SHC4: variants seen among roughly 807,000 people sequenced by gnomAD.
SHC4 encodes SHC-transforming protein 4.
Under a neutral mutation model 69.4 loss-of-function variants are expected in SHC4, and 41 were observed. The observed-to-expected ratio is 0.59, with a 90% CI of 0.46 to 0.77. SHC4 has a LOEUF of 0.77. Ranked by LOEUF, SHC4 falls within the 30% of genes least tolerant of loss-of-function variation. The pLI, the probability that SHC4 is intolerant of heterozygous loss-of-function variation, is 0.00. For missense variants in SHC4, 777 were observed against 783.8 expected (o/e 0.99, Z 0.10); for synonymous variants, 318 against 299.3 (o/e 1.06, Z -0.64).
chr15:48,833,437 C>A (rs1409195093), intron 11 of SHC4, among the ~76,000 whole-genome samples: 2 of 152,114 alleles, frequency 1.3e-5, no homozygotes, highest in East Asian at 3.8e-4. Flanking sequence ...TTTCAGTGCC[C>A]CAAGTGGCAG....
chr15:48,951,210 G>A (rs1419519736), intron 1 of SHC4, among the ~76,000 whole-genome samples: 4 of 152,010 alleles, frequency 2.6e-5, no homozygotes, highest in African/African-American at 2.4e-5. Context: ...CTTGAACACA[G>A]CAGGTGTACA....
In SHC4 at chr15:48,962,929, C is replaced by T. The variant is rs1901571405; in HGVS notation, c.87G>A (p.Lys29=). The change falls in exon 1 of 12, where the codon AAG becomes AAA. Residue 29 remains lysine (K), a synonymous_variant. Coordinates refer to ENST00000332408, the MANE Select transcript of SHC4 (RefSeq NM_203349.4). The part of the protein sequence containing the change: ...FGHPGMLHRA[K]YSRFRNESIT... ...TCGACTCGTTCCGAAAGCGGCTGTA[C>T]TTGGCCCTGTGCAGCATCCCGGGGT... 6 of 1,613,292 alleles carry T rather than the reference C, an allele frequency of 3.7e-6. No homozygotes were observed. In the South Asian group the frequency reaches 5.5e-5, roughly 15 times the overall value.
intron 2 of SHC4, among the ~76,000 whole-genome samples, chr15:48,915,276 C>T (rs1249951368): frequency 6.6e-6 from 1 of 152,192 alleles, no homozygotes; most frequent in Non-Finnish European, 1.5e-5. Context: ...GTACAATTGG[C>T]TTTCATACCC....
chr15:48,859,831 A>T (rs1355944045), intron 6 of SHC4, among the ~76,000 whole-genome samples: 1 of 152,316 alleles, frequency 6.6e-6, no homozygotes, highest in East Asian at 1.9e-4. Context: ...AGACCTAAAA[A>T]GTACCCTTGG....
At chr15:48,941,655 T>G (rs746377189) in intron 1 of SHC4, among the ~76,000 whole-genome samples, 1 of 152,220 alleles carries the variant, frequency 6.6e-6, no homozygotes, top group Non-Finnish European at 1.5e-5. Flanking sequence ...ATTTTAATTA[T>G]GAATCAGATT....
intron 11 of SHC4, among the ~76,000 whole-genome samples, chr15:48,832,006 C>G (rs1898812253): frequency 6.6e-6 from 1 of 152,152 alleles, no homozygotes; most frequent in South Asian, 2.1e-4. Context: ...AACGGTGGCT[C>G]ACGCCTATAA....
At chr15:48,911,885 G>T (rs1900514806) in intron 2 of SHC4, among the ~76,000 whole-genome samples, 1 of 152,122 alleles carries the variant, frequency 6.6e-6, no homozygotes, top group Admixed American at 6.6e-5. Flanking sequence ...AAAATTATTG[G>T]CTGATAATTG....
At chr15:48,916,956 A>T (rs1274957669) in intron 2 of SHC4, among the ~76,000 whole-genome samples, 1 of 152,168 alleles carries the variant, frequency 6.6e-6, no homozygotes, top group Admixed American at 6.5e-5. Context: ...CCTCGGGGTG[A>T]ATTATGTACT....
At chr15:48,851,056 A>G in intron 9 of SHC4, 132 bp downstream of exon 9, 4 of 759,148 alleles carry the variant, frequency 5.3e-6, no homozygotes, top group Non-Finnish European at 8.5e-6. Flanking sequence ...AGAAGCCTAC[A>G]GTCAAAGGAT....
At chr15:48,960,218 C>A (rs1463117474) in intron 1 of SHC4, among the ~76,000 whole-genome samples, 1 of 152,138 alleles carries the variant, frequency 6.6e-6, no homozygotes, top group East Asian at 1.9e-4. Flanking sequence ...CCTAGGGAAA[C>A]TGGAGATCAC....
rs1220093294 is a variant in SHC4, at chr15:48,924,071, G to GT, written c.656+807dup. On this transcript the variant is annotated intron_variant, in intron 2 of 11. Transcript: ENST00000332408. ...TTTCATGGGATGAGCATTAGGGAGA[G>GT]TTATTCTCTACATGACAATATTCAC... Among the ~76,000 whole-genome samples, 4 of 152,096 alleles carry GT rather than the reference G, an allele frequency of 2.6e-5. No homozygotes were observed. The East Asian group carries it at 7.7e-4, about 29-fold the overall frequency.
At chr15:48,954,404 A>G (rs1237929834) in intron 1 of SHC4, among the ~76,000 whole-genome samples, 1 of 152,244 alleles carries the variant, frequency 6.6e-6, no homozygotes, top group African/African-American at 2.4e-5. Flanking sequence ...CCCCAGCCTC[A>G]GACATTCTGG....
At position 48,826,055 on chromosome 15, in the gene SHC4, T is replaced by A; in HGVS notation, c.1809A>T (p.Pro603=). 6.2e-7 allele frequency: 1 copy of A among 1,614,000 alleles called. No individual in the cohort carries two copies. The highest frequency in any genetic ancestry group is 1.7e-5 in the Admixed American group (1 of 60,008). ...LIRYHMDNSL[P]IISSGSEVSL... is the part of the protein sequence containing the mutation. ...TTACTTCGCTTCCAGAGGAGATGAT[T>A]GGCAAACTGTTATCCATATGGTATC... is the stretch of plus-strand genomic sequence containing the variant. The change falls in exon 12 of 12, where the codon CCA becomes CCT. Residue 603 remains proline, a synonymous_variant. Coordinates refer to ENST00000332408, the MANE Select transcript of SHC4 (RefSeq NM_203349.4).
At chr15:48,909,909 T>C (rs1280083025) in intron 2 of SHC4, among the ~76,000 whole-genome samples, 1 of 152,214 alleles carries the variant, frequency 6.6e-6, no homozygotes, top group East Asian at 1.9e-4. Flanking sequence ...GAAACCCACT[T>C]GATCATGGTG....
chr15:48,901,540 A>G (rs1194571552), intron 2 of SHC4, among the ~76,000 whole-genome samples: 3 of 152,210 alleles, frequency 2.0e-5, no homozygotes, highest in African/African-American at 7.2e-5. Context: ...CCTTTTAATT[A>G]TCATCTAACC....
chr15:48,960,973 T>C (rs1426906006), intron 1 of SHC4, among the ~76,000 whole-genome samples: 1 of 152,132 alleles, frequency 6.6e-6, no homozygotes, highest in Non-Finnish European at 1.5e-5. Context: ...CACTGCTCCA[T>C]AAATGTTCAC....
intron 2 of SHC4, among the ~76,000 whole-genome samples, chr15:48,894,590 C>T (rs1295401252): frequency 2.6e-5 from 4 of 152,114 alleles, no homozygotes; most frequent in African/African-American, 9.7e-5. Flanking sequence ...TTTAACCCCT[C>T]CATCTTTGTA....
At chr15:48,876,782 G>C in intron 4 of SHC4, 1 of 418,020 alleles carries the variant, frequency 2.4e-6, no homozygotes, top group Non-Finnish European at 4.4e-6. Flanking sequence ...ATTAAGGGTG[G>C]GTCTGCCTTT....
rs1355631663 is a variant in SHC4 at position 48,834,875 on chromosome 15, C to G, written c.1631G>C (p.Gly544Ala). ...KAAESLLVKD[G>A]DFLVRESATS... ...TGCACTCTCTCGAACCAAAAAGTCC[C>G]CATCCTTTACCAAGAGGCTCTCTGC... Residue 544 changes from glycine to alanine, a missense_variant, in exon 11 of 12, where the codon GGG becomes GCG. Transcript: ENST00000332408. 1.9e-6 allele frequency: 3 copies of G among 1,614,166 alleles called. No homozygotes were observed. Among genetic ancestry groups the G allele is most frequent in the African/African-American group, 2.7e-5 (2 of 75,036 alleles).
Sources: allele counts gnomAD v4.1 joint callset (sites outside exome capture counted in the v4.1 genomes callset), GRCh38; gene constraint gnomAD v4.1.1; transcripts MANE v1.5; gene names NCBI Gene and HGNC (gene_info 2026-07-23, HGNC 2026-07-21).